MAP3K1: variants seen among roughly 807,000 people sequenced by gnomAD.
MAP3K1 encodes mitogen-activated protein kinase kinase kinase 1, also known as MAP/ERK kinase kinase 1.
MAP3K1 carries 36 observed loss-of-function variants against 144.2 expected under a neutral mutation model. The observed-to-expected ratio is 0.25, with a 90% confidence interval of 0.19 to 0.33. The LOEUF (loss-of-function observed/expected upper bound fraction) is 0.33. MAP3K1 is among the 10% of genes least tolerant of loss of function. The pLI is 1.00. For synonymous variants in MAP3K1, 718 were observed against 688.7 expected (o/e 1.04, Z -0.67); for missense variants, 1,650 against 1,881.9 (o/e 0.88, Z 2.28).
Position 56,815,921 on chromosome 5 carries a change from C to A in MAP3K1, c.348C>A (p.Ala116=), listed in dbSNP as rs1172958122. Residue 116 remains alanine, a synonymous_variant, in exon 1 of 20, where the codon GCC becomes GCA. Transcript: ENST00000399503. ...TGGCGGTGCCGCCGCCCCACGGAGC[C>A]GCGAGCCGCGGCGGCGCCCACCTTA... is the stretch of plus-strand genomic sequence containing the variant. ...QPVAVPPPHG[A]ASRGGAHLTE... 1 of 1,277,948 alleles carries A rather than the reference C, an allele frequency of 7.8e-7. No homozygotes were observed. The highest frequency in any genetic ancestry group is 2.5e-5 in the South Asian group (1 of 40,536). 79.2% of individuals were successfully genotyped at this position (1,277,948 alleles called of 1,614,324 possible).
chr5:56,878,919 G>C (rs1748118900), intron 10 of MAP3K1, 61 bp from the exon 11 acceptor site: 3 of 1,494,558 alleles, frequency 2.0e-6, no homozygotes, highest in Admixed American at 3.4e-5. Context: ...TCTCAAATTA[G>C]GCCATTATCT....
chr5:56,855,501 TCA>T (rs954163482), intron 1 of MAP3K1, among the ~76,000 whole-genome samples: 1 of 152,232 alleles, frequency 6.6e-6, no homozygotes, highest in African/African-American at 2.4e-5. Context: ...TCTACTTTCC[TCA>T]CAGTCTTGAT....
intron 19 of MAP3K1, among the ~76,000 whole-genome samples, chr5:56,893,011 A>T (rs939397934): frequency 3.9e-5 from 6 of 152,204 alleles, no homozygotes; most frequent in Non-Finnish European, 8.8e-5. Flanking sequence ...ATTTGTTTAT[A>T]AAAAAGTTAT....
intron 1 of MAP3K1, among the ~76,000 whole-genome samples, chr5:56,819,158 G>A (rs77717705): frequency 0.01 from 1,567 of 152,256 alleles, 32 homozygotes; most frequent in African/African-American, 0.035. Context: ...AGAAATATAA[G>A]AGCTAGAATT....
rs146431708 is a variant in MAP3K1 at position 56,893,083 on chromosome 5, T to C, written c.4390-448T>C. The stretch of plus-strand genomic sequence containing the variant: ...GTCCAACACGGAAGGAAAAAAACAA[T>C]GCAGTTGTGTTTTCTATGTATTAAA... On this transcript the variant is annotated intron_variant, in intron 19 of 19. Transcript: ENST00000399503. 5.3e-4 allele frequency among the ~76,000 whole-genome samples: 80 copies of C among 152,280 alleles called. No homozygotes were observed. In the East Asian group the frequency reaches 0.012, roughly 24 times the overall value.
At position 56,882,428 on chromosome 5, in the gene MAP3K1, C is replaced by T; in HGVS notation, c.3228C>T (p.Pro1076=). Residue 1076 remains proline (P), a synonymous_variant, in exon 14 of 20, where the codon CCC becomes CCT. Coordinates refer to ENST00000399503, the MANE Select transcript of MAP3K1 (RefSeq NM_005921.2). ...TPGNTSKQGD[P]SKNSMTLDLN... is the part of the protein sequence containing the mutation. The stretch of plus-strand genomic sequence containing the variant: ...GTAATACAAGTAAACAGGGAGATCC[C>T]TCAAAAAATAGCATGACACTTGATC... 6.2e-7 allele frequency: 1 copy of T among 1,614,090 alleles called. No individual in the cohort carries two copies. Among genetic ancestry groups the T allele is most frequent in the African/African-American group, 1.3e-5 (1 of 75,034 alleles).
intron 6 of MAP3K1, among the ~76,000 whole-genome samples, chr5:56,866,884 A>G (rs1439764176): frequency 1.3e-5 from 2 of 152,226 alleles, no homozygotes; most frequent in African/African-American, 4.8e-5. Flanking sequence ...GTTTTTAGAC[A>G]TTGAAGATTT....
At position 56,881,961 on chromosome 5, in the gene MAP3K1, A is replaced by C; in HGVS notation, c.2761A>C (p.Ser921Arg). The change falls in exon 14 of 20, where the codon AGT becomes CGT. Residue 921 changes from serine to arginine, a missense_variant. Ser to Arg is a moderately radical substitution (Grantham distance 110). Around this residue, in one of 6 missense-constraint regions of MAP3K1, gnomAD observed 841 missense variants for 886.5 expected, o/e 0.95. Coordinates refer to ENST00000399503, the MANE Select transcript of MAP3K1 (RefSeq NM_005921.2). ...AAAAGGATTATGTGCTACAAAATTG[A>C]GTGCCAGTTCAGAGGACATTTCTGA... Reference protein sequence around the residue: ...TGKGLCATKLSASSEDISERL... With the variant: ...TGKGLCATKLRASSEDISERL... 6.2e-7 allele frequency: 1 copy of C among 1,614,144 alleles called. No homozygotes were observed. The highest frequency in any genetic ancestry group is 1.7e-5 in the Admixed American group (1 of 59,988).
At chr5:56,872,772 A>C (rs1018028738) in intron 8 of MAP3K1, 50 bp downstream of exon 8, 2 of 1,606,070 alleles carry the variant, frequency 1.2e-6, no homozygotes, top group Non-Finnish European at 1.7e-6. Context: ...AAAATTTCTC[A>C]GTGTGGTTTG....
At chr5:56,832,996 C>G (rs1193956767) in intron 1 of MAP3K1, among the ~76,000 whole-genome samples, 1 of 152,140 alleles carries the variant, frequency 6.6e-6, no homozygotes, top group Non-Finnish European at 1.5e-5. Flanking sequence ...CTCAGCCTCC[C>G]TAGTAGCTGG....
intron 1 of MAP3K1, among the ~76,000 whole-genome samples, chr5:56,823,507 C>T (rs1305501743): frequency 6.6e-6 from 1 of 152,196 alleles, no homozygotes; most frequent in East Asian, 1.9e-4. Context: ...CTGCCTTCCC[C>T]CTAGCACCTA....
chr5:56,854,570 T>C (rs1747279619), intron 1 of MAP3K1, among the ~76,000 whole-genome samples: 1 of 152,132 alleles, frequency 6.6e-6, no homozygotes, highest in African/African-American at 2.4e-5. Context: ...ATCCCTATTA[T>C]TTATGATAAA....
At chr5:56,848,938 TGA>T (rs1489022244) in intron 1 of MAP3K1, among the ~76,000 whole-genome samples, 1 of 152,256 alleles carries the variant, frequency 6.6e-6, no homozygotes, top group Non-Finnish European at 1.5e-5. Context: ...ATGAGCTTTT[TGA>T]GGGTGAATTC....
At chr5:56,852,077 G>T (rs1156782548) in intron 1 of MAP3K1, 3 of 62,660 alleles carry the variant, frequency 4.8e-5, no homozygotes, top group African/African-American at 1.6e-4. Flanking sequence ...GGGTATTCCT[G>T]GCAGGGAAAA....
chr5:56,847,592 T>C (rs33328), intron 1 of MAP3K1, among the ~76,000 whole-genome samples: 77,196 of 152,092 alleles, frequency 0.51, 21,696 homozygotes, highest in Non-Finnish European at 0.65. Flanking sequence ...TAACACTGGA[T>C]CTCAACAAAA....
intron 18 of MAP3K1, 103 bp from the exon 19 acceptor site, chr5:56,888,123 A>G: frequency 1.9e-6 from 2 of 1,029,516 alleles, no homozygotes; most frequent in Non-Finnish European, 3.0e-6. Context: ...TCCTGTTTGT[A>G]CCAGTTTTCT....
intron 1 of MAP3K1, among the ~76,000 whole-genome samples, chr5:56,837,556 A>G (rs1312600965): frequency 6.6e-6 from 1 of 152,202 alleles, no homozygotes; most frequent in African/African-American, 2.4e-5. Flanking sequence ...AGAAGTTCAT[A>G]TTGGAAAGGC....
intron 5 of MAP3K1, 106 bp downstream of exon 5, chr5:56,865,562 G>A: frequency 1.3e-6 from 1 of 756,810 alleles, no homozygotes; most frequent in East Asian, 2.7e-5. Context: ...TTAAAGGTGT[G>A]AAGGTATGTA....
chr5:56,861,795 C>G (rs1458281424), intron 3 of MAP3K1, among the ~76,000 whole-genome samples: 1 of 151,936 alleles, frequency 6.6e-6, no homozygotes, highest in African/African-American at 2.4e-5. Flanking sequence ...AGAGAGACTT[C>G]TAGTAGTGGA....
Sources: allele counts gnomAD v4.1 joint callset (sites outside exome capture counted in the v4.1 genomes callset), GRCh38; gene constraint gnomAD v4.1.1; regional missense constraint gnomAD v4.1.1; transcripts MANE v1.5; gene names NCBI Gene and HGNC (gene_info 2026-07-23, HGNC 2026-07-21).